VPS8: variants seen among roughly 807,000 people sequenced by gnomAD.
VPS8 encodes the protein VPS8 subunit of CORVET complex.
VPS8 carries 129 observed loss-of-function variants against 216.4 expected under a neutral mutation model. The observed-to-expected ratio is 0.60, with a 90% CI of 0.52 to 0.69. VPS8 has a LOEUF of 0.69. VPS8 is among the 30% of genes least tolerant of loss of function. The pLI is 0.00. For missense variants in VPS8, 1,531 were observed against 1,683.5 expected (o/e 0.91, Z 1.59); for synonymous variants, 571 against 565.4 (o/e 1.01, Z -0.14).
intron 23 of VPS8, 150 bp from the exon 24 acceptor site, chr3:184,898,415 T>C: frequency 3.0e-6 from 2 of 664,924 alleles, no homozygotes; most frequent in Non-Finnish European, 2.6e-6. Flanking sequence ...TACCCTTGCA[T>C]TGTGTTTGAG....
In VPS8 at chr3:184,971,859, G is replaced by A; in HGVS notation, c.3420+107G>A. 6.0e-6 allele frequency: 5 copies of A among 830,946 alleles called. No homozygotes were observed. In the South Asian group the frequency reaches 7.6e-5, roughly 13 times the overall value. 51.5% of individuals were successfully genotyped at this position (830,946 alleles called of 1,614,324 possible). A position where few individuals can be genotyped will look rare whatever the true frequency, so the allele number is the denominator to read the frequency against. On this transcript the variant is annotated intron_variant, in intron 40 of 47. Coordinates refer to ENST00000625842, the MANE Select transcript of VPS8 (RefSeq NM_001009921.3). Reference sequence around the variant, plus strand: ...GGAGGCCGAGACGGACAGATCACCTGAGGTCAGGAGTTTGAGACCAGCCTG... The same window carrying A: ...GGAGGCCGAGACGGACAGATCACCTAAGGTCAGGAGTTTGAGACCAGCCTG...
intron 25 of VPS8, among the ~76,000 whole-genome samples, chr3:184,906,005 C>G (rs1384504642): frequency 6.6e-6 from 1 of 151,962 alleles, no homozygotes; most frequent in Non-Finnish European, 1.5e-5. Context: ...ATTTTTCACA[C>G]CCTTTGGAAG....
chr3:184,914,218 CATTG>C (rs1012377979), intron 26 of VPS8, among the ~76,000 whole-genome samples: 1 of 152,186 alleles, frequency 6.6e-6, no homozygotes, highest in African/African-American at 2.4e-5. Flanking sequence ...ACACTTGTTA[CATTG>C]ATTCTTTAGT....
rs537508549 is a variant in VPS8 at position 184,969,264 on chromosome 3, C to T, written c.3317-2385C>T. Among the ~76,000 whole-genome samples the T allele has an allele frequency of 7.7e-4, 115 of 149,744 alleles. 2 individuals carry two copies. The highest frequency in any genetic ancestry group is 2.6e-3 in the African/African-American group (104 of 40,648). ...TCCCGAGTAGCTGGGATTATAGGTG[C>T]GTGCCACCACACCCGGCTAATTTTT... On this transcript the variant is annotated intron_variant, in intron 39 of 47. Transcript: ENST00000625842.
chr3:184,945,173 C>CTA (rs1033429294), intron 36 of VPS8, among the ~76,000 whole-genome samples: 24 of 148,494 alleles, frequency 1.6e-4, no homozygotes, highest in East Asian at 6.0e-4. Flanking sequence ...CTCTCTCTCT[C>CTA]TATATATATA....
rs944962009 is a variant in VPS8 at position 184,946,288 on chromosome 3, A to G, written c.3035+6045A>G. Among the ~76,000 whole-genome samples, 177 of 152,338 alleles carry G rather than the reference A, an allele frequency of 1.2e-3. 2 individuals carry two copies. Among genetic ancestry groups the G allele is most frequent in the African/African-American group, 4.1e-3 (170 of 41,570 alleles). Reference sequence around the variant, plus strand: ...GGTGATTTTGGTCCCTGAGCAAGGAAGGGGTTAGTTTTAGGGGGACTGTTA... The same window carrying G: ...GGTGATTTTGGTCCCTGAGCAAGGAGGGGGTTAGTTTTAGGGGGACTGTTA... On this transcript the variant is annotated intron_variant, in intron 36 of 47. Coordinates refer to ENST00000625842, the MANE Select transcript of VPS8 (RefSeq NM_001009921.3).
intron 46 of VPS8, among the ~76,000 whole-genome samples, chr3:185,031,935 G>A (rs532162670): frequency 7.9e-5 from 12 of 152,198 alleles, no homozygotes; most frequent in African/African-American, 2.9e-4. Flanking sequence ...AAGCCGAGAC[G>A]GGCAGATCAC....
intron 7 of VPS8, among the ~76,000 whole-genome samples, chr3:184,841,181 A>G (rs900528188): frequency 1.3e-5 from 2 of 152,196 alleles, no homozygotes; most frequent in South Asian, 2.1e-4. Flanking sequence ...ATATATAGTC[A>G]TAGTAGAAAA....
chr3:184,948,198 G>A (rs914282625), intron 36 of VPS8, among the ~76,000 whole-genome samples: 5 of 147,878 alleles, frequency 3.4e-5, no homozygotes, highest in Non-Finnish European at 7.4e-5. Flanking sequence ...AGTGCAACAA[G>A]AATAGTGATT....
chr3:184,812,868 G>A (rs1182080502), intron 1 of VPS8: 4 of 152,294 alleles, frequency 2.6e-5, no homozygotes, highest in African/African-American at 9.7e-5. Context: ...AGGTGCCTGA[G>A]CCTGAGGCTT....
chr3:184,913,091 A>G (rs1465664463), intron 25 of VPS8, among the ~76,000 whole-genome samples: 3 of 152,240 alleles, frequency 2.0e-5, no homozygotes, highest in African/African-American at 7.2e-5. Flanking sequence ...TACTTTAAAC[A>G]TTTGGGAACA....
At chr3:184,950,533 C>T (rs990389942) in intron 36 of VPS8, among the ~76,000 whole-genome samples, 8 of 151,812 alleles carry the variant, frequency 5.3e-5, no homozygotes, top group African/African-American at 1.2e-4. Flanking sequence ...AAAATTCCAA[C>T]GCAATGTTTA....
At chr3:185,002,371 G>C (rs1753535717) in intron 45 of VPS8, among the ~76,000 whole-genome samples, 1 of 152,192 alleles carries the variant, frequency 6.6e-6, no homozygotes, top group Non-Finnish European at 1.5e-5. Flanking sequence ...TTGCAGTGAA[G>C]AAAGGTAATC....
intron 6 of VPS8, 46 bp from the exon 7 acceptor site, chr3:184,839,652 T>A (rs1678198503): frequency 6.5e-7 from 1 of 1,544,056 alleles, no homozygotes; most frequent in African/African-American, 1.4e-5. Flanking sequence ...TATTTCAAGA[T>A]TCTTAATGTA....
intron 46 of VPS8, among the ~76,000 whole-genome samples, chr3:185,036,217 A>T (rs1190770231): frequency 6.6e-6 from 1 of 152,212 alleles, no homozygotes; most frequent in Non-Finnish European, 1.5e-5. Context: ...TGCTATTCCT[A>T]TCAAACTACC....
chr3:184,826,053 T>A, intron 2 of VPS8, 110 bp from the exon 3 acceptor site: 1 of 718,588 alleles, frequency 1.4e-6, no homozygotes, highest in East Asian at 2.7e-5. Context: ...TTGATCATTT[T>A]GGTGGTAAGT....
At chr3:185,020,364 G>C (rs546099143) in intron 45 of VPS8, among the ~76,000 whole-genome samples, 1 of 152,020 alleles carries the variant, frequency 6.6e-6, no homozygotes, top group Non-Finnish European at 1.5e-5. Context: ...AGCAGTTGTT[G>C]CTGTGTGATT....
At chr3:184,905,917 A>G (rs1157874430) in intron 25 of VPS8, among the ~76,000 whole-genome samples, 1 of 152,160 alleles carries the variant, frequency 6.6e-6, no homozygotes, top group Non-Finnish European at 1.5e-5. Context: ...ACACTATCAT[A>G]AACTGCTAGT....
chr3:184,971,382 G>A (rs1748376929), intron 39 of VPS8, among the ~76,000 whole-genome samples: 1 of 152,090 alleles, frequency 6.6e-6, no homozygotes, highest in Non-Finnish European at 1.5e-5. Context: ...AGATGATTGG[G>A]GATTTTCCAT....
Sources: gnomAD v4.1 joint callset for allele counts (sites outside exome capture counted in the v4.1 genomes callset) on GRCh38, gnomAD v4.1.1 for gene constraint, MANE v1.5 for transcripts, NCBI Gene and HGNC (gene_info 2026-07-23, HGNC 2026-07-21) for gene names.